Variants in HPSE2 observed in about 807,000 individuals in gnomAD.
The protein encoded by HPSE2 is heparanase 2 (inactive).
A neutral mutation model predicts 60.5 loss-of-function variants in HPSE2; 38 were observed. That is an observed-to-expected ratio of 0.63 (90% CI 0.48 to 0.82). HPSE2 has a LOEUF of 0.82. HPSE2 is among the 40% of genes least tolerant of loss of function. The pLI is 0.00. For missense variants in HPSE2, 713 were observed against 740.4 expected, an observed-to-expected ratio of 0.96 and a Z score of 0.43; for synonymous variants, 295 against 293.2, an observed-to-expected ratio of 1.01 and a Z score of -0.06.
intron 9 of HPSE2, among the ~76,000 whole-genome samples, chr10:98,606,420 T>C (rs1945587796): frequency 6.6e-6 from 1 of 152,338 alleles, no homozygotes; most frequent in South Asian, 2.1e-4. Context: ...ATCTCTGGGG[T>C]TGGTGCCTAA....
chr10:99,040,869 A>C (rs2487893), intron 3 of HPSE2, among the ~76,000 whole-genome samples: 1 of 151,936 alleles, frequency 6.6e-6, no homozygotes, highest in Middle Eastern at 3.2e-3. Flanking sequence ...AGCGGATCAC[A>C]AGATCAGGAG....
the HPSE2 span, among the ~76,000 whole-genome samples, chr10:99,294,829 G>A: frequency 5.3e-5 from 8 of 151,980 alleles, no homozygotes; most frequent in African/African-American, 9.7e-5. Context: ...GTACCACCAC[G>A]CCTGTAATCC....
chr10:98,956,466 G>C (rs1308564635), intron 3 of HPSE2, among the ~76,000 whole-genome samples: 1 of 152,148 alleles, frequency 6.6e-6, no homozygotes, highest in Non-Finnish European at 1.5e-5. Context: ...TTTAAAAGAA[G>C]CATAGAGGTA....
intron 2 of HPSE2, among the ~76,000 whole-genome samples, chr10:99,173,746 C>A (rs1374246200): frequency 6.6e-6 from 1 of 152,054 alleles, no homozygotes; most frequent in African/African-American, 2.4e-5. Flanking sequence ...GAGTTCGAGA[C>A]CAGCCTGGCC....
At chr10:99,298,249 T>C in the HPSE2 span, among the ~76,000 whole-genome samples, 1 of 152,198 alleles carries the variant, frequency 6.6e-6, no homozygotes, top group South Asian at 2.1e-4. Context: ...CAACCCTCAC[T>C]CTCTGTGGAA....
At chr10:98,586,150 A>C (rs77981099) in intron 9 of HPSE2, among the ~76,000 whole-genome samples, 8,594 of 152,290 alleles carry the variant, frequency 0.056, 294 homozygotes, top group Middle Eastern at 0.13. Context: ...AATTGTAAAA[A>C]GTAAAGGATT....
intron 2 of HPSE2, among the ~76,000 whole-genome samples, chr10:99,186,327 A>C (rs1000817698): frequency 1.3e-5 from 2 of 151,882 alleles, no homozygotes; most frequent in Non-Finnish European, 2.9e-5. Flanking sequence ...GGCAGATCAC[A>C]AGGTCAGGAG....
intron 9 of HPSE2, among the ~76,000 whole-genome samples, chr10:98,547,795 T>C (rs1943736948): frequency 6.6e-6 from 1 of 151,370 alleles, no homozygotes; most frequent in South Asian, 2.1e-4. Context: ...CCCTAAAACT[T>C]AAAGTATAAT....
intron 2 of HPSE2, among the ~76,000 whole-genome samples, chr10:99,219,848 T>C (rs1849250787): frequency 6.6e-6 from 1 of 152,240 alleles, no homozygotes; most frequent in Non-Finnish European, 1.5e-5. Context: ...CCTTCTTTAG[T>C]CTGTTTCTAA....
chr10:98,822,253 C>T (rs1395580931), intron 3 of HPSE2, among the ~76,000 whole-genome samples: 1 of 152,116 alleles, frequency 6.6e-6, no homozygotes, highest in African/African-American at 2.4e-5. Context: ...TTTAACCTAC[C>T]TAATGGACAC....
At position 98,929,446 on chromosome 10, in the gene HPSE2, C is replaced by T. The variant is rs187594687; in HGVS notation, c.611-185390G>A. Among the ~76,000 whole-genome samples the T allele has an allele frequency of 8.3e-4, 120 of 143,916 alleles. 8 individuals carry two copies. Among genetic ancestry groups the T allele is most frequent in the Non-Finnish European group, 1.4e-3 (97 of 67,184 alleles). 94.4% of individuals were successfully genotyped at this position (143,916 alleles called of 152,430 possible). ...AGGTAGAAAAGATAATACTCAAGAT[C>T]CTTTCTGGCCCTATTGATCCAGGTT... On this transcript the variant is annotated intron_variant, in intron 3 of 11. Transcript: ENST00000370552.
chr10:98,856,075 A>G (rs1381645019), intron 3 of HPSE2, among the ~76,000 whole-genome samples: 1 of 152,206 alleles, frequency 6.6e-6, no homozygotes. Flanking sequence ...CTCAAACATC[A>G]TCTATACATA....
At chr10:98,978,191 G>C (rs999438746) in intron 3 of HPSE2, among the ~76,000 whole-genome samples, 1 of 152,000 alleles carries the variant, frequency 6.6e-6, no homozygotes, top group Non-Finnish European at 1.5e-5. Flanking sequence ...CCTTCAATAA[G>C]TATGTATTAA....
At chr10:98,836,743 T>C (rs1344882776) in intron 3 of HPSE2, among the ~76,000 whole-genome samples, 3 of 152,160 alleles carry the variant, frequency 2.0e-5, no homozygotes, top group African/African-American at 7.2e-5. Flanking sequence ...GGATAATCTT[T>C]CATAAATAAA....
At chr10:98,974,238 G>A (rs1956029930) in intron 3 of HPSE2, among the ~76,000 whole-genome samples, 1 of 152,034 alleles carries the variant, frequency 6.6e-6, no homozygotes, top group Admixed American at 6.5e-5. Flanking sequence ...GCAATGAGCT[G>A]AGATCGTACC....
At chr10:98,935,348 T>C (rs1404180015) in intron 3 of HPSE2, among the ~76,000 whole-genome samples, 3 of 143,180 alleles carry the variant, frequency 2.1e-5, no homozygotes, top group East Asian at 2.0e-4. Flanking sequence ...TTACAATCAT[T>C]TGGAGGAGAG....
At chr10:99,221,040 T>C (rs1849296221) in intron 2 of HPSE2, among the ~76,000 whole-genome samples, 1 of 151,736 alleles carries the variant, frequency 6.6e-6, no homozygotes, top group African/African-American at 2.4e-5. Context: ...AGACGGGGTT[T>C]CACCATGTTG....
chr10:98,933,738 C>CTTT (rs1400974532), intron 3 of HPSE2, among the ~76,000 whole-genome samples: 1 of 133,590 alleles, frequency 7.5e-6, no homozygotes, highest in Non-Finnish European at 1.6e-5. Flanking sequence ...TTTTTCTTTT[C>CTTT]TTTTTTTTTT....
rs765669189 is a variant in HPSE2 at position 98,927,444 on chromosome 10, A to C, written c.611-183388T>G. Among the ~76,000 whole-genome samples the C allele has an allele frequency of 7.8e-4, 118 of 150,700 alleles. 1 individual carries two copies. In the Middle Eastern group the frequency reaches 0.024, roughly 30 times the overall value. On this transcript the variant is annotated intron_variant, in intron 3 of 11. Coordinates refer to ENST00000370552, the MANE Select transcript of HPSE2 (RefSeq NM_021828.5). ...AATTTATAGATTCAATGCCATCCCCATCAAGCTACCAATGACTTTCTTCAC... is the reference window on the plus strand; with the variant it reads ...AATTTATAGATTCAATGCCATCCCCCTCAAGCTACCAATGACTTTCTTCAC...
Sources: allele counts gnomAD v4.1 joint callset (sites outside exome capture counted in the v4.1 genomes callset), GRCh38; gene constraint gnomAD v4.1.1; transcripts MANE v1.5; gene names NCBI Gene and HGNC (gene_info 2026-07-23, HGNC 2026-07-21).